HEPH: variants seen among roughly 807,000 people sequenced by gnomAD.
HEPH encodes hephaestin.
A neutral mutation model predicts 80.8 loss-of-function variants in HEPH; 69 were observed. The observed-to-expected ratio is 0.85, with a 90% CI of 0.70 to 1.04. The LOEUF is 1.04. Ranked by LOEUF, HEPH falls within the 50% of genes least tolerant of loss-of-function variation. HEPH has a pLI of 0.00. For missense variants in HEPH, 1,115 were observed against 891.3 expected (o/e 1.25, Z -3.20); for synonymous variants, 431 against 322.8 (o/e 1.34, Z -3.60).
chrX:66,213,962 T>A (rs772800434), intron 15 of HEPH, among the ~76,000 whole-genome samples: 1 of 112,412 alleles, frequency 8.9e-6, no homozygotes, highest in Admixed American at 9.4e-5. Context: ...AAATGTTTGC[T>A]GGAAATGTCT....
At chrX:66,179,532 T>A (rs1472420314) in intron 4 of HEPH, among the ~76,000 whole-genome samples, 2 of 111,770 alleles carry the variant, frequency 1.8e-5, no homozygotes, top group Non-Finnish European at 3.8e-5. Flanking sequence ...TAAATTACCT[T>A]GGGCAGTATT....
At position 66,189,851 on chromosome X, in the gene HEPH, T is replaced by G; in HGVS notation, c.976T>G (p.Phe326Val). The G allele has an allele frequency of 8.3e-7, 1 of 1,207,605 alleles. No homozygotes were observed. The highest frequency in any genetic ancestry group is 1.1e-6 in the Non-Finnish European group (1 of 893,195). Residue 326 changes from phenylalanine to valine, a missense_variant, in exon 6 of 21, where the codon TTT (phenylalanine) becomes GTT (valine). Phe to Val is a conservative substitution (Grantham distance 50). Around this residue, in one of 3 missense-constraint regions of HEPH, gnomAD observed 391 missense variants for 343.6 expected, o/e 1.14. Coordinates refer to ENST00000343002, the MANE Select transcript of HEPH (RefSeq NM_001367233.3). The part of the protein sequence containing the change: ...RGHHTDVANI[F>V]PATFVTAEMV... ...ACACCACACTGATGTGGCTAACATCTTTCCAGCCACCTTTGTGACTGCTGA... is the reference window on the plus strand; with the variant it reads ...ACACCACACTGATGTGGCTAACATCGTTCCAGCCACCTTTGTGACTGCTGA...
At position 66,164,407 on chromosome X, in the gene HEPH, G is replaced by A; in HGVS notation, c.-77G>A. On this transcript the variant is annotated 5_prime_UTR_variant, in exon 1 of 21. Coordinates refer to ENST00000343002, the MANE Select transcript of HEPH (RefSeq NM_001367233.3). ...TGAACATGGCTGGCGGACTCAGGCT[G>A]GGGTCTGCAGTGCAGCATTAATGGG... The A allele has an allele frequency of 5.3e-6, 4 of 752,686 alleles. No individual in the cohort carries two copies. The highest frequency in any genetic ancestry group is 6.3e-6 in the Non-Finnish European group (4 of 637,822). 62.0% of individuals were successfully genotyped at this position (752,686 alleles called of 1,213,427 possible).
chrX:66,215,200 T>G (rs750555026), intron 15 of HEPH, among the ~76,000 whole-genome samples: 21 of 111,760 alleles, frequency 1.9e-4, no homozygotes, highest in Admixed American at 3.8e-4. Context: ...GCTTCTTAGT[T>G]TTTCTTACTA....
chrX:66,237,028 A>G (rs1175194751), intron 15 of HEPH, among the ~76,000 whole-genome samples: 1 of 110,611 alleles, frequency 9.0e-6, no homozygotes, highest in Non-Finnish European at 1.9e-5. Flanking sequence ...TATTAATCTA[A>G]CTAGAAGTCT....
chrX:66,218,020 C>T (rs1361327888), intron 15 of HEPH, among the ~76,000 whole-genome samples: 1 of 111,279 alleles, frequency 9.0e-6, no homozygotes, highest in Non-Finnish European at 1.9e-5. Context: ...GCACCTAACA[C>T]TGGAGCCCCC....
intron 15 of HEPH, among the ~76,000 whole-genome samples, chrX:66,224,939 C>T (rs2089816493): frequency 9.1e-6 from 1 of 109,763 alleles, no homozygotes; most frequent in African/African-American, 3.3e-5. Context: ...CTTTCTCTCT[C>T]TCTCTGCTGA....
At chrX:66,234,703 C>A (rs1158800286) in intron 15 of HEPH, among the ~76,000 whole-genome samples, 1 of 109,609 alleles carries the variant, frequency 9.1e-6, no homozygotes, top group Non-Finnish European at 1.9e-5. Flanking sequence ...GTTGCATAAT[C>A]TCAGCTCACT....
chrX:66,188,094 G>T (rs1361741363), intron 4 of HEPH, among the ~76,000 whole-genome samples: 1 of 111,188 alleles, frequency 9.0e-6, no homozygotes, highest in Non-Finnish European at 1.9e-5. Flanking sequence ...TCAGGCCCTG[G>T]GTTGAAGACA....
chrX:66,210,381 T>G (rs996986908), intron 15 of HEPH, among the ~76,000 whole-genome samples: 2 of 111,939 alleles, frequency 1.8e-5, no homozygotes, highest in African/African-American at 6.5e-5. Context: ...TGGCTTAATT[T>G]TAAGACTTAG....
intron 15 of HEPH, among the ~76,000 whole-genome samples, chrX:66,210,008 A>G (rs375470855): frequency 8.9e-6 from 1 of 111,896 alleles, no homozygotes; most frequent in South Asian, 3.8e-4. Context: ...GGTTAAAAGC[A>G]TAAGAGTGAA....
chrX:66,198,099 G>A (rs1021816136), intron 10 of HEPH, among the ~76,000 whole-genome samples: 1 of 111,090 alleles, frequency 9.0e-6, no homozygotes, highest in Non-Finnish European at 1.9e-5. Flanking sequence ...ATCTTCCTTA[G>A]CCTTGCAGAT....
At chrX:66,205,542 T>A (rs1229471464) in intron 13 of HEPH, among the ~76,000 whole-genome samples, 2 of 111,326 alleles carry the variant, frequency 1.8e-5, no homozygotes, top group Admixed American at 9.5e-5. Flanking sequence ...TTGTGAATAG[T>A]GCTGTGATGA....
At chrX:66,189,182 C>A (rs1306849173) in intron 5 of HEPH, among the ~76,000 whole-genome samples, 3 of 112,057 alleles carry the variant, frequency 2.7e-5, no homozygotes. Context: ...ACCATACAGT[C>A]CCCAAAGGAG....
upstream of HEPH, chrX:66,162,793 A>T (rs1569272460): frequency 1.7e-6 from 2 of 1,154,766 alleles, no homozygotes; most frequent in South Asian, 1.9e-5. Flanking sequence ...CCTGCTCCAG[A>T]CACTTTAAAT....
chrX:66,263,448 A>T (rs1229673771), intron 19 of HEPH, among the ~76,000 whole-genome samples, 196 bp from the exon 20 acceptor site: 1 of 112,108 alleles, frequency 8.9e-6, no homozygotes, highest in Non-Finnish European at 1.9e-5. Flanking sequence ...TCTCTTGCCC[A>T]TATTTCATGT....
At chrX:66,220,631 A>G (rs2089604336) in intron 15 of HEPH, among the ~76,000 whole-genome samples, 1 of 112,195 alleles carries the variant, frequency 8.9e-6, no homozygotes, top group Admixed American at 9.4e-5. Context: ...TCTGCCATAT[A>G]GCCTCTTTCC....
intron 17 of HEPH, 139 bp downstream of exon 17, chrX:66,256,469 A>C (rs1332714554): frequency 8.7e-6 from 4 of 458,170 alleles, no homozygotes; most frequent in Non-Finnish European, 1.5e-5. Flanking sequence ...GGGATGAGTT[A>C]GAAGAAGCAT....
At chrX:66,219,630 A>G (rs1287333055) in intron 15 of HEPH, among the ~76,000 whole-genome samples, 1 of 111,745 alleles carries the variant, frequency 8.9e-6, no homozygotes, top group Non-Finnish European at 1.9e-5. Context: ...TACCAGGACC[A>G]TAGTATTGTA....
Sources: allele counts gnomAD v4.1 joint callset (sites outside exome capture counted in the v4.1 genomes callset), GRCh38; gene constraint gnomAD v4.1.1; regional missense constraint gnomAD v4.1.1; transcripts MANE v1.5; gene names NCBI Gene and HGNC (gene_info 2026-07-23, HGNC 2026-07-21).